APC: variants seen among roughly 807,000 people sequenced by gnomAD.
APC encodes APC regulator of Wnt signaling pathway.
A neutral mutation model predicts 247.0 loss-of-function variants in APC; 72 were observed. The ratio of observed to expected loss-of-function variants is 0.29; its 90% CI spans 0.24 to 0.35. APC has a LOEUF of 0.35. Ranked by LOEUF, APC falls within the 10% of genes least tolerant of loss-of-function variation. The pLI, the probability that APC is intolerant of heterozygous loss-of-function variation, is 1.00. For missense variants in APC, 3,400 were observed against 3,360.7 expected (o/e 1.01, Z -0.29); for synonymous variants, 1,254 against 1,162.5 (o/e 1.08, Z -1.60).
At chr5:112,825,103 A>G (rs1763508069) in intron 11 of APC, among the ~76,000 whole-genome samples, 1 of 152,140 alleles carries the variant, frequency 6.6e-6, no homozygotes, top group South Asian at 2.1e-4. Flanking sequence ...TCCTTTTCTC[A>G]GAAATTCCAA....
intron 1 of APC, among the ~76,000 whole-genome samples, chr5:112,713,423 T>A (rs1750975887): frequency 6.6e-6 from 1 of 152,188 alleles, no homozygotes; most frequent in African/African-American, 2.4e-5. Context: ...ACTAAACCGT[T>A]CACAGAAGCC....
At position 112,837,668 on chromosome 5, in the gene APC, C is replaced by T. The variant is rs1561574669; in HGVS notation, c.2074C>T (p.Pro692Ser). ...GTLWNLSARN[P>S]KDQEALWDMG... Reference sequence around the variant, plus strand: ...TTTGTGGAATCTCTCAGCAAGAAATCCTAAAGACCAGGAAGCATTATGGGA... The same window carrying T: ...TTTGTGGAATCTCTCAGCAAGAAATTCTAAAGACCAGGAAGCATTATGGGA... Residue 692 changes from proline (P) to serine (S), a missense_variant, in exon 16 of 16, where the codon CCT becomes TCT. By Grantham distance (74) the Pro-to-Ser change is moderately conservative. This residue lies in a region of APC where 184 missense variants were observed against 248.0 expected (regional missense o/e 0.74). Transcript: ENST00000257430. The T allele has an allele frequency of 6.2e-7, 1 of 1,613,904 alleles. No individual in the cohort carries two copies. Among genetic ancestry groups the T allele is most frequent in the African/African-American group, 1.3e-5 (1 of 74,892 alleles).
chr5:112,758,836 C>T (rs1364714824), intron 2 of APC, among the ~76,000 whole-genome samples: 2 of 151,670 alleles, frequency 1.3e-5, no homozygotes, highest in Admixed American at 1.3e-4. Context: ...CTCCTGACCT[C>T]AGGTGATCCA....
chr5:112,840,664 T>A lies in APC; in HGVS notation c.5070T>A (p.Ile1690=), dbSNP rs2149931248. Residue 1690 remains isoleucine (I), a synonymous_variant, in exon 16 of 16, where the codon ATT becomes ATA. Transcript: ENST00000257430. The surrounding 1 kb of genome is among the most constrained non-coding windows in gnomAD (Gnocchi z 4.1). ...GTGAATTTGAAAAACGAGATACCAT[T>A]CCTACAGAAGGCAGAAGTACAGATG... is the stretch of plus-strand genomic sequence containing the variant. ...QSGEFEKRDT[I]PTEGRSTDEA... 1 of 1,613,952 alleles carries A rather than the reference T, an allele frequency of 6.2e-7. No individual in the cohort carries two copies. Among genetic ancestry groups the A allele is most frequent in the Non-Finnish European group, 8.5e-7 (1 of 1,179,926 alleles).
intron 2 of APC, 107 bp downstream of exon 2, chr5:112,755,132 C>T (rs1754817479): frequency 1.3e-6 from 2 of 1,482,824 alleles, no homozygotes; most frequent in South Asian, 1.2e-5. Flanking sequence ...TTAAATTAAG[C>T]AATAATATGT....
intron 1 of APC, among the ~76,000 whole-genome samples, chr5:112,723,610 G>A (rs1581031932): frequency 1.3e-5 from 2 of 152,162 alleles, no homozygotes; most frequent in African/African-American, 4.8e-5. Context: ...TTAAACATCT[G>A]TCATGGTCCC....
At chr5:112,825,660 C>T (rs1477446400) in intron 11 of APC, among the ~76,000 whole-genome samples, 1 of 152,094 alleles carries the variant, frequency 6.6e-6, no homozygotes, top group Non-Finnish European at 1.5e-5. Flanking sequence ...GCAACCAGCT[C>T]GGGCAACATA....
intron 7 of APC, among the ~76,000 whole-genome samples, chr5:112,792,966 G>T (rs1053547780): frequency 6.6e-6 from 1 of 152,140 alleles, no homozygotes; most frequent in Admixed American, 6.6e-5. Flanking sequence ...AATCCGTGGA[G>T]CTGGAAAGCA....
chr5:112,765,731 A>G (rs1756221609), intron 2 of APC, among the ~76,000 whole-genome samples: 2 of 152,226 alleles, frequency 1.3e-5, no homozygotes, highest in South Asian at 4.1e-4. Context: ...AATTTCCAAC[A>G]TTCTTTGAGA....
Position 112,815,634 on chromosome 5 carries a change from T to C in APC, c.933+41T>C. ...AAACCCTGGTCACTAATGCCATGAC[T>C]ACTTTGCTAAGACATTCTTGGCCAG... is the stretch of plus-strand genomic sequence containing the variant. On this transcript the variant is annotated intron_variant, in intron 9 of 15. Coordinates refer to ENST00000257430, the MANE Select transcript of APC (RefSeq NM_000038.6). 1.3e-6 allele frequency: 2 copies of C among 1,514,424 alleles called. No individual in the cohort carries two copies. Among genetic ancestry groups the C allele is most frequent in the Non-Finnish European group, 1.8e-6 (2 of 1,094,692 alleles). 93.8% of individuals were successfully genotyped at this position (1,514,424 alleles called of 1,614,324 possible).
At chr5:112,711,707 C>T (rs76969458) in intron 1 of APC, among the ~76,000 whole-genome samples, 4,578 of 152,118 alleles carry the variant, frequency 0.03, 256 homozygotes, top group African/African-American at 0.1. Flanking sequence ...GGTGACAGAA[C>T]GAGACCCCAT....
intron 10 of APC, among the ~76,000 whole-genome samples, chr5:112,820,025 C>G (rs1762956362): frequency 6.6e-6 from 1 of 152,122 alleles, no homozygotes; most frequent in African/African-American, 2.4e-5. Context: ...CCACCCAGCT[C>G]TTCACTCAGG....
chr5:112,839,814 G>T lies in APC; in HGVS notation c.4220G>T (p.Ser1407Ile), dbSNP rs2149909266. The change falls in exon 16 of 16, where the codon AGT becomes ATT. Residue 1407 changes from serine (S) to isoleucine (I), a missense_variant. Transcript: ENST00000257430. This position sits in a 1 kb window ranked among gnomAD's most constrained non-coding sequence, Gnocchi z 5.0. ...ESRSIASSVQ[S>I]EPCSGMVSGI... ...CGTTCGATTGCCAGCTCCGTTCAGAGTGAACCATGCAGTGGAATGGTAAGT... is the reference window on the plus strand; with the variant it reads ...CGTTCGATTGCCAGCTCCGTTCAGATTGAACCATGCAGTGGAATGGTAAGT... 6.2e-7 allele frequency: 1 copy of T among 1,614,086 alleles called. No homozygotes were observed. Among genetic ancestry groups the T allele is most frequent in the Non-Finnish European group, 8.5e-7 (1 of 1,180,016 alleles).
intron 6 of APC, among the ~76,000 whole-genome samples, chr5:112,786,196 C>T (rs1758931493): frequency 1.3e-5 from 2 of 152,250 alleles, no homozygotes; most frequent in African/African-American, 4.8e-5. Context: ...CTCTAGCAAC[C>T]CTCCTTCCTC....
rs568385895 is a variant in APC, at chr5:112,788,898, T to TA, written c.646-3547dup. 3.0e-3 allele frequency among the ~76,000 whole-genome samples: 459 copies of TA among 152,274 alleles called. 5 individuals carry two copies. The highest frequency in any genetic ancestry group is 3.9e-3 in the Non-Finnish European group (267 of 68,004). ...CAGTTTGTTTATCCTTTCCAGTCCTTACAGCGTTTTTTCTTTTGTTGTATT... is the reference window on the plus strand; with the variant it reads ...CAGTTTGTTTATCCTTTCCAGTCCTTAACAGCGTTTTTTCTTTTGTTGTATT... On this transcript the variant is annotated intron_variant, in intron 6 of 15. Coordinates refer to ENST00000257430, the MANE Select transcript of APC (RefSeq NM_000038.6).
At chr5:112,811,770 A>C (rs769298051) in intron 8 of APC, among the ~76,000 whole-genome samples, 20 of 152,224 alleles carry the variant, frequency 1.3e-4, no homozygotes, top group Non-Finnish European at 7.3e-5. Context: ...TTGCTGCATA[A>C]CAAATTGCCC....
intron 2 of APC, among the ~76,000 whole-genome samples, chr5:112,758,593 G>A (rs952821814): frequency 6.6e-6 from 1 of 152,004 alleles, no homozygotes; most frequent in Non-Finnish European, 1.5e-5. Context: ...CAAAGTGCTG[G>A]GATTACAGGC....
At chr5:112,765,034 A>G (rs934371705) in intron 2 of APC, among the ~76,000 whole-genome samples, 3 of 152,176 alleles carry the variant, frequency 2.0e-5, no homozygotes. Flanking sequence ...AAACTCCAAC[A>G]TAGTCTATTA....
intron 9 of APC, 80 bp from the exon 10 acceptor site, chr5:112,818,886 A>C: frequency 7.0e-7 from 1 of 1,430,420 alleles, no homozygotes. Context: ...TATAGTAAAT[A>C]TCCCATTCAT....
Sources: gnomAD v4.1 joint callset for allele counts (sites outside exome capture counted in the v4.1 genomes callset) on GRCh38, gnomAD v4.1.1 for gene constraint, gnomAD v4.1.1 regional missense constraint, Gnocchi (gnomAD v3.1) non-coding constraint, MANE v1.5 for transcripts, NCBI Gene and HGNC (gene_info 2026-07-23, HGNC 2026-07-21) for gene names.